Variants in RBFOX1 observed in about 807,000 individuals in gnomAD.
RBFOX1 encodes the protein RNA binding fox-1 homolog 1, also known as RNA binding protein fox-1 homolog 1.
A neutral mutation model predicts 57.7 loss-of-function variants in RBFOX1; 8 were observed. That is an observed-to-expected ratio of 0.14 (90% CI 0.08 to 0.25). The LOEUF is 0.25. Ranked by LOEUF, RBFOX1 falls within the 10% of genes least tolerant of loss-of-function variation. The pLI is 1.00. For missense variants in RBFOX1, 611 were observed against 548.5 expected, an observed-to-expected ratio of 1.11 and a Z score of -1.14; for synonymous variants, 326 against 222.4, an observed-to-expected ratio of 1.47 and a Z score of -4.15.
At chr16:6,473,990 C>G (rs1009066101) in intron 2 of RBFOX1, among the ~76,000 whole-genome samples, 1 of 152,148 alleles carries the variant, frequency 6.6e-6, no homozygotes, top group African/African-American at 2.4e-5. Context: ...AGTAATCTGA[C>G]TTCCTTGAAT....
intron 1 of RBFOX1, among the ~76,000 whole-genome samples, chr16:5,425,532 C>T (rs1049005558): frequency 6.6e-6 from 1 of 152,220 alleles, no homozygotes; most frequent in Non-Finnish European, 1.5e-5. Context: ...ATGCTATTTA[C>T]CAAATTGGGC....
At chr16:5,914,481 G>C (rs11861058) in intron 4 of RBFOX1, among the ~76,000 whole-genome samples, 40,924 of 151,982 alleles carry the variant, frequency 0.27, 6,189 homozygotes, top group Middle Eastern at 0.46. Flanking sequence ...GGATCTGCTT[G>C]TAAGCTCACT....
rs1036475510 is a variant in RBFOX1 at position 6,738,669 on chromosome 16, A to G, written c.-16+84019A>G. On this transcript the variant is annotated intron_variant, in intron 3 of 15. Coordinates refer to ENST00000550418, the MANE Select transcript of RBFOX1 (RefSeq NM_018723.4). ...GACAATTACAGAACCCTTTACCCCA[A>G]AAGAGCAGAATACACATTCTTTTAA... Among the ~76,000 whole-genome samples the G allele has an allele frequency of 4.6e-5, 7 of 152,184 alleles. No homozygotes were observed. In the East Asian group the frequency reaches 1.3e-3, roughly 29 times the overall value.
At chr16:5,954,935 G>A (rs1318296893) in intron 4 of RBFOX1, among the ~76,000 whole-genome samples, 2 of 151,466 alleles carry the variant, frequency 1.3e-5, no homozygotes, top group African/African-American at 4.9e-5. Context: ...TTCAGTTCCT[G>A]GGTTCCTCTT....
At chr16:7,456,365 C>G (rs1167757995) in intron 4 of RBFOX1, among the ~76,000 whole-genome samples, 1 of 152,166 alleles carries the variant, frequency 6.6e-6, no homozygotes, top group African/African-American at 2.4e-5. Flanking sequence ...TATAGTCACC[C>G]AAGTACATCT....
chr16:6,439,790 C>G (rs555475780), intron 2 of RBFOX1, among the ~76,000 whole-genome samples: 1 of 152,070 alleles, frequency 6.6e-6, no homozygotes, highest in Non-Finnish European at 1.5e-5. Flanking sequence ...CTCTGGCCTT[C>G]CACATTACAA....
At chr16:7,144,452 T>A (rs1229836831) in intron 4 of RBFOX1, among the ~76,000 whole-genome samples, 1 of 102,944 alleles carries the variant, frequency 9.7e-6, no homozygotes, top group Non-Finnish European at 1.8e-5. Context: ...TCAGGGCCCC[T>A]CTGTTGTTCT....
At chr16:5,321,474 C>T (rs954938467) in intron 1 of RBFOX1, among the ~76,000 whole-genome samples, 13 of 152,226 alleles carry the variant, frequency 8.5e-5, no homozygotes, top group African/African-American at 3.1e-4. Flanking sequence ...CGCCCACCAC[C>T]ATGCCTGGCT....
intron 3 of RBFOX1, among the ~76,000 whole-genome samples, chr16:7,037,333 C>G (rs981853089): frequency 1.3e-5 from 2 of 149,778 alleles, no homozygotes; most frequent in African/African-American, 2.5e-5. Context: ...CCTCCACTTC[C>G]CAGGTTCAAG....
At chr16:6,385,037 A>C (rs927175005) in intron 2 of RBFOX1, among the ~76,000 whole-genome samples, 2 of 152,028 alleles carry the variant, frequency 1.3e-5, no homozygotes, top group Non-Finnish European at 2.9e-5. Flanking sequence ...TCTACAAATT[A>C]TCTCTCCCCT....
intron 2 of RBFOX1, among the ~76,000 whole-genome samples, chr16:5,494,949 C>A (rs1293800726): frequency 6.6e-6 from 1 of 152,170 alleles, no homozygotes; most frequent in African/African-American, 2.4e-5. Flanking sequence ...AGGAATAATA[C>A]AGCGTGGTCG....
Position 6,834,061 on chromosome 16 carries a change from T to TC in RBFOX1, c.-16+179411_-16+179412insC, listed in dbSNP as rs201706868. Among the ~76,000 whole-genome samples the TC allele has an allele frequency of 5.3e-3, 805 of 151,550 alleles. 13 individuals carry two copies. Among genetic ancestry groups the TC allele is most frequent in the African/African-American group, 0.018 (748 of 41,248 alleles). ...GGGGTACCTGATCCAATAAATATTT[T>TC]TTTTTCTATTTTTATTTTTTTGAGG... On this transcript the variant is annotated intron_variant, in intron 3 of 15. Transcript: ENST00000550418.
intron 1 of RBFOX1, among the ~76,000 whole-genome samples, chr16:6,253,449 G>T (rs551239574): frequency 3.7e-4 from 56 of 152,306 alleles, no homozygotes; most frequent in African/African-American, 1.3e-3. Flanking sequence ...ACTCAGGTGA[G>T]AAGCCAGAGG....
intron 2 of RBFOX1, among the ~76,000 whole-genome samples, chr16:6,335,711 G>T (rs1300893272): frequency 1.4e-5 from 2 of 145,682 alleles, no homozygotes; most frequent in East Asian, 4.0e-4. Context: ...CCGGGAGCCG[G>T]AGATTGCAGT....
intron 4 of RBFOX1, among the ~76,000 whole-genome samples, chr16:5,954,438 G>C (rs566149685): frequency 5.3e-5 from 8 of 152,286 alleles, no homozygotes; most frequent in Admixed American, 4.6e-4. Context: ...AGCAGAAAAT[G>C]ATCTCGGTGA....
intron 3 of RBFOX1, among the ~76,000 whole-genome samples, chr16:5,630,352 G>A (rs1452313622): frequency 1.3e-5 from 2 of 152,116 alleles, no homozygotes; most frequent in Non-Finnish European, 2.9e-5. Flanking sequence ...AGCTACTCAG[G>A]AGGCTGAGGG....
At chr16:7,253,314 G>A (rs2094558665) in intron 4 of RBFOX1, among the ~76,000 whole-genome samples, 1 of 152,176 alleles carries the variant, frequency 6.6e-6, no homozygotes, top group Admixed American at 6.5e-5. Context: ...TCGTGTTGAT[G>A]TCAGTGGCAA....
At chr16:5,559,370 T>C (rs1268681563) in intron 2 of RBFOX1, among the ~76,000 whole-genome samples, 1 of 152,190 alleles carries the variant, frequency 6.6e-6, no homozygotes, top group Non-Finnish European at 1.5e-5. Context: ...TTTTGTAATC[T>C]GGTGTGGCTG....
At chr16:7,584,912 C>T (rs1178694773) in intron 6 of RBFOX1, among the ~76,000 whole-genome samples, 14 of 152,178 alleles carry the variant, frequency 9.2e-5, no homozygotes, top group Admixed American at 9.2e-4. Flanking sequence ...GAGACCACTT[C>T]AGGGCAGCTG....
Sources: allele counts gnomAD v4.1 joint callset (sites outside exome capture counted in the v4.1 genomes callset), GRCh38; gene constraint gnomAD v4.1.1; transcripts MANE v1.5; gene names NCBI Gene and HGNC (gene_info 2026-07-23, HGNC 2026-07-21).